CXCR4: variants seen among roughly 807,000 people sequenced by gnomAD.
The protein encoded by CXCR4 is C-X-C chemokine receptor type 4.
A neutral mutation model predicts 22.4 loss-of-function variants in CXCR4; 6 were observed. The observed-to-expected ratio is 0.27, with a 90% confidence interval of 0.15 to 0.53. The LOEUF (loss-of-function observed/expected upper bound fraction) is 0.53, where lower values mean the gene tolerates loss of function less well. Ranked by LOEUF, CXCR4 falls within the 20% of genes least tolerant of loss-of-function variation. The pLI is 0.96. For synonymous variants in CXCR4, 155 were observed against 171.7 expected (o/e 0.90, Z 0.76); for missense variants, 300 against 430.4 (o/e 0.70, Z 2.68).
rs1684824856 is a variant in CXCR4 at position 136,114,361 on chromosome 2, G to A, written c.*508C>T. The A allele has an allele frequency of 4.7e-6, 1 of 211,764 alleles. No individual in the cohort carries two copies. The highest frequency in any genetic ancestry group is 2.3e-5 in the African/African-American group (1 of 44,058). The allele number at this position is 211,764 out of a possible 1,614,324, so 13.1% of individuals were successfully genotyped here. On this transcript the variant is annotated 3_prime_UTR_variant, in exon 2 of 2. Transcript: ENST00000241393. ...ACATAACACTAAGTAAGTTTAACATGTACTTTTATTAACAACTTAATACAA... is the reference window on the plus strand; with the variant it reads ...ACATAACACTAAGTAAGTTTAACATATACTTTTATTAACAACTTAATACAA...
rs753680989 is a variant in CXCR4, at chr2:136,115,780, A to C, written c.148T>G (p.Leu50Val). ...FLPTIYSIIF[L>V]TGIVGNGLVI... Reference sequence around the variant, plus strand: ...AATCCATTGCCCACAATGCCAGTTAAGAAGATGATGGAGTAGATGGTGGGC... The same window carrying C: ...AATCCATTGCCCACAATGCCAGTTACGAAGATGATGGAGTAGATGGTGGGC... The change falls in exon 2 of 2, where the codon TTA becomes GTA. Residue 50 changes from leucine to valine, a missense_variant. Leu to Val is a conservative substitution (Grantham distance 32). Coordinates refer to ENST00000241393, the MANE Select transcript of CXCR4 (RefSeq NM_003467.3). The surrounding 1 kb of genome is among the most constrained non-coding windows in gnomAD (Gnocchi z 6.4). The C allele has an allele frequency of 6.2e-7, 1 of 1,614,230 alleles. No homozygotes were observed. Among genetic ancestry groups the C allele is most frequent in the South Asian group, 1.1e-5 (1 of 91,092 alleles).
intron 1 of CXCR4, among the ~76,000 whole-genome samples, chr2:136,116,716 ACCCGTGGTCCTCGCC>A (rs928882291): frequency 6.6e-6 from 1 of 152,058 alleles, no homozygotes; most frequent in Non-Finnish European, 1.5e-5. Flanking sequence ...CGGGGTCTGC[ACCCGTGGTCCTCGCC>A]CCAAGTTTCA....
At chr2:136,117,877 C>G (rs980819182) in intron 1 of CXCR4, 169 bp downstream of exon 1, 32 of 144,142 alleles carry the variant, frequency 2.2e-4, no homozygotes, top group South Asian at 4.5e-4. Context: ...GCTCCCCCCC[C>G]ACCCACCCGC....
intron 1 of CXCR4, chr2:136,116,275 A>C: frequency 1.7e-6 from 2 of 1,157,892 alleles, no homozygotes; most frequent in East Asian, 6.3e-5. Flanking sequence ...AAATACACAC[A>C]AAGAGGCCAC....
rs2104915348 is a variant in CXCR4 at position 136,114,826 on chromosome 2, A to G, written c.*43T>C. The G allele has an allele frequency of 6.5e-7, 1 of 1,527,206 alleles. No individual in the cohort carries two copies. The allele number at this position is 1,527,206 out of a possible 1,614,324, so 94.6% of individuals were successfully genotyped here. On this transcript the variant is annotated 3_prime_UTR_variant, in exon 2 of 2. Coordinates refer to ENST00000241393, the MANE Select transcript of CXCR4 (RefSeq NM_003467.3). ...ATATCTGAAAAATGTGTAACTTAAA[A>G]AAAAGTTATTTATCGTATAAAAAAA...
At chr2:136,117,425 A>G (rs1223436848) in intron 1 of CXCR4, 1 of 152,380 alleles carries the variant, frequency 6.6e-6, no homozygotes, top group East Asian at 1.9e-4. Flanking sequence ...CGATCCCCTC[A>G]GAGGATCGGC....
chr2:136,117,878 A>ACCCCCCCC, intron 1 of CXCR4, 168 bp downstream of exon 1: 2 of 113,486 alleles, frequency 1.8e-5, no homozygotes, highest in South Asian at 8.2e-5. Flanking sequence ...CTCCCCCCCC[A>ACCCCCCCC]CCCACCCGCA....
chr2:136,117,077 A>T (rs1210750881), intron 1 of CXCR4, among the ~76,000 whole-genome samples: 1 of 152,232 alleles, frequency 6.6e-6, no homozygotes, highest in Non-Finnish European at 1.5e-5. Flanking sequence ...ACCGACGGTT[A>T]AACATCACAA....
chr2:136,117,345 A>G (rs371362865), intron 1 of CXCR4, among the ~76,000 whole-genome samples: 1 of 36,036 alleles, frequency 2.8e-5, no homozygotes, highest in Non-Finnish European at 5.2e-5. Flanking sequence ...CGCGCTTCGG[A>G]CGGCGGGAAG....
Position 136,115,607 on chromosome 2 carries a change from G to A in CXCR4, c.321C>T (p.Phe107=), listed in dbSNP as rs777078340. 3.7e-6 allele frequency: 6 copies of A among 1,613,854 alleles called. No individual in the cohort carries two copies. In the South Asian group the frequency reaches 6.6e-5, roughly 18 times the overall value. The part of the protein sequence containing the change: ...DAVANWYFGN[F]LCKAVHVIYT... ...AGATGACATGGACTGCCTTGCATAGGAAGTTCCCAAAGTACCAGTTTGCCA... is the reference window on the plus strand; with the variant it reads ...AGATGACATGGACTGCCTTGCATAGAAAGTTCCCAAAGTACCAGTTTGCCA... Residue 107 remains phenylalanine (F), a synonymous_variant, in exon 2 of 2, where the codon TTC becomes TTT. Coordinates refer to ENST00000241393, the MANE Select transcript of CXCR4 (RefSeq NM_003467.3). The surrounding 1 kb of genome is among the most constrained non-coding windows in gnomAD (Gnocchi z 6.4).
chr2:136,117,786 C>T (rs1349470636), intron 1 of CXCR4: 2 of 488,168 alleles, frequency 4.1e-6, no homozygotes, highest in African/African-American at 2.0e-5. Context: ...CGGCGGGACT[C>T]AAGGGGGAGA....
chr2:136,114,983 G>A lies in CXCR4; in HGVS notation c.945C>T (p.His315=), dbSNP rs144110709. 105 of 1,614,148 alleles carry A rather than the reference G, an allele frequency of 6.5e-5. No homozygotes were observed. In the African/African-American group the frequency reaches 1.1e-3, roughly 17 times the overall value. Residue 315 remains histidine, a synonymous_variant, in exon 2 of 2, where the codon CAC becomes CAT. Transcript: ENST00000241393. ...ACCCTCTGCTCACAGAGGTGAGTGC[G>A]TGCTGGGCAGAGGTTTTAAATTTGG... ...LGAKFKTSAQ[H]ALTSVSRGSS...
rs1024744874 is a variant in CXCR4 at position 136,114,682 on chromosome 2, A to G, written c.*187T>C. The G allele has an allele frequency of 3.0e-5, 16 of 530,302 alleles. No individual in the cohort carries two copies. Among genetic ancestry groups the G allele is most frequent in the Non-Finnish European group, 3.2e-6 (1 of 309,330 alleles). 32.8% of individuals were successfully genotyped at this position (530,302 alleles called of 1,614,324 possible). ...GGCCACAGGTCCTGCCTAGACACAC[A>G]TCAATATGAAACAAAAAAAATTTAT... On this transcript the variant is annotated 3_prime_UTR_variant, in exon 2 of 2. Coordinates refer to ENST00000241393, the MANE Select transcript of CXCR4 (RefSeq NM_003467.3).
intron 1 of CXCR4, among the ~76,000 whole-genome samples, chr2:136,116,732 C>T (rs1311907778): frequency 6.6e-6 from 1 of 152,146 alleles, no homozygotes; most frequent in East Asian, 1.9e-4. Flanking sequence ...GGTCCTCGCC[C>T]CAAGTTTCAT....
chr2:136,114,898 A>T lies in CXCR4; in HGVS notation c.1030T>A (p.Ser344Thr). ...CTGGAGTGAAAACTTGAAGACTCAG[A>T]CTCAGTGGAAACAGATGAATGTCCA... is the stretch of plus-strand genomic sequence containing the variant. ...RGGHSSVSTE[S>T]ESSSFHSS The change falls in exon 2 of 2, where the codon TCT becomes ACT. Residue 344 changes from serine to threonine, a missense_variant. Ser to Thr is a moderately conservative substitution (Grantham distance 58, BLOSUM62 1). Coordinates refer to ENST00000241393, the MANE Select transcript of CXCR4 (RefSeq NM_003467.3). 6.2e-7 allele frequency: 1 copy of T among 1,610,968 alleles called. No individual in the cohort carries two copies. Among genetic ancestry groups the T allele is most frequent in the Non-Finnish European group, 8.5e-7 (1 of 1,178,200 alleles).
At chr2:136,116,359 G>A in intron 1 of CXCR4, 1 of 415,258 alleles carries the variant, frequency 2.4e-6, no homozygotes, top group Non-Finnish European at 3.4e-6. Flanking sequence ...GAAGTTTTTC[G>A]CCCAGGGAGG....
In CXCR4 at chr2:136,114,805, C is replaced by G; in HGVS notation, c.*64G>C. ...TACAATATTGGTCAGTCTTTTATAT[C>G]TGAAAAATGTGTAACTTAAAAAAAA... On this transcript the variant is annotated 3_prime_UTR_variant, in exon 2 of 2. Transcript: ENST00000241393. 7.0e-7 allele frequency: 1 copy of G among 1,431,190 alleles called. No homozygotes were observed. The highest frequency in any genetic ancestry group is 1.2e-5 in the South Asian group (1 of 80,976). The allele number at this position is 1,431,190 out of a possible 1,614,324, so 88.7% of individuals were successfully genotyped here.
intron 1 of CXCR4, 110 bp from the exon 2 acceptor site, chr2:136,116,022 C>T: frequency 6.3e-7 from 1 of 1,583,816 alleles, no homozygotes. Context: ...TTGCTTTCTT[C>T]AGGAAATTCT....
intron 1 of CXCR4, among the ~76,000 whole-genome samples, chr2:136,116,446 T>TA (rs1403916763): frequency 6.6e-6 from 1 of 152,028 alleles, no homozygotes; most frequent in Admixed American, 6.5e-5. Flanking sequence ...CGCAAAAACT[T>TA]AATTTTCCCA....
Sources: allele counts gnomAD v4.1 joint callset (sites outside exome capture counted in the v4.1 genomes callset), GRCh38; gene constraint gnomAD v4.1.1; non-coding constraint Gnocchi (gnomAD v3.1); transcripts MANE v1.5; gene names NCBI Gene and HGNC (gene_info 2026-07-23, HGNC 2026-07-21).